Variants in SLC25A29 observed in about 807,000 individuals in gnomAD.
SLC25A29 encodes the protein solute carrier family 25 member 29.
Under a neutral mutation model 10.0 loss-of-function variants are expected in SLC25A29, and 13 were observed. The ratio of observed to expected loss-of-function variants is 1.30; its 90% CI spans 0.85 to 2.07. The LOEUF (loss-of-function observed/expected upper bound fraction) is 2.07. Among genes scored for constraint, SLC25A29 ranks in the 30% most tolerant of loss-of-function variants. The pLI, the probability that SLC25A29 is intolerant of heterozygous loss-of-function variation, is 0.00. For synonymous variants in SLC25A29, 244 were observed against 221.1 expected (o/e 1.10, Z -0.92); for missense variants, 475 against 447.6 (o/e 1.06, Z -0.55).
In SLC25A29 at chr14:100,306,318, CG is replaced by C. The variant is rs1224907595; in HGVS notation, c.-87del. 5.7e-5 allele frequency: 72 copies of C among 1,258,390 alleles called. No individual in the cohort carries two copies. Among genetic ancestry groups the C allele is most frequent in the Middle Eastern group, 6.0e-4 (2 of 3,360 alleles). The allele number at this position is 1,258,390 out of a possible 1,614,324, so 78.0% of individuals were successfully genotyped here. A position where few individuals can be genotyped will look rare whatever the true frequency, so the allele number is the denominator to read the frequency against. On this transcript the variant is annotated 5_prime_UTR_variant, in exon 1 of 4. Transcript: ENST00000359232. Reference sequence around the variant, plus strand: ...GCTGGGCGCCGTCGGGGTCCCCGAGCGCGCGGTGCCGGGGCTGGGCCTGGCC... The same window carrying C: ...GCTGGGCGCCGTCGGGGTCCCCGAGCCGCGGTGCCGGGGCTGGGCCTGGCC...
chr14:100,294,139 C>T (rs758336791), intron 2 of SLC25A29: 13 of 152,224 alleles, frequency 8.5e-5, no homozygotes, highest in Non-Finnish European at 1.3e-4. Context: ...AAAGCAATGA[C>T]CTTGGCTCCA....
At chr14:100,283,733 G>A in the SLC25A29 span, among the ~76,000 whole-genome samples, 1 of 151,916 alleles carries the variant, frequency 6.6e-6, no homozygotes, top group Admixed American at 6.6e-5. Context: ...CACCCGCCTC[G>A]GCCTCCCAAA....
At chr14:100,303,311 C>T (rs992135213) in intron 1 of SLC25A29, among the ~76,000 whole-genome samples, 2 of 152,246 alleles carry the variant, frequency 1.3e-5, no homozygotes, top group Admixed American at 6.5e-5. Flanking sequence ...CCCCTCGAGG[C>T]CCCTCCATGT....
Position 100,292,794 on chromosome 14 carries a change from G to A in SLC25A29, c.401C>T (p.Ser134Leu), listed in dbSNP as rs775358954. ...GTAGATCTGCGCGAGGCAGTCCAGCGAGCCCTTGTAGGTGCGCGCTGGGCC... is the reference window on the plus strand; with the variant it reads ...GTAGATCTGCGCGAGGCAGTCCAGCAAGCCCTTGTAGGTGCGCGCTGGGCC... ...DAGPARTYKG[S>L]LDCLAQIYGH... The change falls in exon 4 of 4, where the codon TCG becomes TTG. Residue 134 changes from serine (S) to leucine (L), a missense_variant. Physicochemically the swap from Ser to Leu is moderately radical, Grantham distance 145. Coordinates refer to ENST00000359232, the MANE Select transcript of SLC25A29 (RefSeq NM_001039355.3). 33 of 1,595,380 alleles carry A rather than the reference G, an allele frequency of 2.1e-5. No homozygotes were observed. Among genetic ancestry groups the A allele is most frequent in the South Asian group, 4.5e-5 (4 of 88,944 alleles).
At chr14:100,287,632 C>A (rs995924503), downstream of SLC25A29, among the ~76,000 whole-genome samples, 6 of 99,522 alleles carry the variant, frequency 6.0e-5, no homozygotes, top group South Asian at 2.3e-3. Flanking sequence ...AGCACCACCC[C>A]CCCCCTCCGA....
the SLC25A29 span, among the ~76,000 whole-genome samples, chr14:100,283,924 T>G: frequency 6.6e-6 from 1 of 150,842 alleles, no homozygotes; most frequent in Non-Finnish European, 1.5e-5. Flanking sequence ...TGCTATCACC[T>G]AGGCCGGAGT....
the SLC25A29 span, chr14:100,280,504 A>G: frequency 2.0e-5 from 3 of 152,100 alleles, no homozygotes; most frequent in Non-Finnish European, 4.4e-5. Flanking sequence ...CCCCAGAGTG[A>G]CATTTATTTT....
Position 100,292,257 on chromosome 14 carries a change from C to T in SLC25A29, c.*26G>A. On this transcript the variant is annotated 3_prime_UTR_variant, in exon 4 of 4. Transcript: ENST00000359232. ...ATGTCCCAGGTTTCTGAGAAGGAGC[C>T]CTGGGGAAGGAGGGCGGGGTGAGCG... The T allele has an allele frequency of 6.5e-7, 1 of 1,532,474 alleles. No homozygotes were observed. Among genetic ancestry groups the T allele is most frequent in the Non-Finnish European group, 8.8e-7 (1 of 1,140,926 alleles). 94.9% of individuals were successfully genotyped at this position (1,532,474 alleles called of 1,614,324 possible).
At chr14:100,295,661 A>G in intron 2 of SLC25A29, 1 of 1,289,556 alleles carries the variant, frequency 7.8e-7, no homozygotes, top group Non-Finnish European at 1.0e-6. Flanking sequence ...GCCCATCTAC[A>G]ACAAAGTTAC....
chr14:100,300,262 C>A (rs1232915394), intron 1 of SLC25A29, among the ~76,000 whole-genome samples: 1 of 152,158 alleles, frequency 6.6e-6, no homozygotes, highest in African/African-American at 2.4e-5. Context: ...GAGCAAGACT[C>A]CGTTTCAAAA....
Position 100,292,147 on chromosome 14 carries a change from C to G in SLC25A29, c.*136G>C, listed in dbSNP as rs1891743287. On this transcript the variant is annotated 3_prime_UTR_variant, in exon 4 of 4. Coordinates refer to ENST00000359232, the MANE Select transcript of SLC25A29 (RefSeq NM_001039355.3). ...TCTCGGCCAAAACTACCCAGCTGATCAGCAAAATTCAGCCCACGTCTGATA... is the reference window on the plus strand; with the variant it reads ...TCTCGGCCAAAACTACCCAGCTGATGAGCAAAATTCAGCCCACGTCTGATA... 2 of 1,196,878 alleles carry G rather than the reference C, an allele frequency of 1.7e-6. No individual in the cohort carries two copies. The highest frequency in any genetic ancestry group is 2.7e-5 in the East Asian group (1 of 36,684). The allele number at this position is 1,196,878 out of a possible 1,614,324, so 74.1% of individuals were successfully genotyped here. A position where few individuals can be genotyped will look rare whatever the true frequency, so the allele number is the denominator to read the frequency against.
At chr14:100,296,059 G>A in intron 2 of SLC25A29, 3 of 1,266,050 alleles carry the variant, frequency 2.4e-6, no homozygotes, top group Non-Finnish European at 3.1e-6. Flanking sequence ...AGTACGGACT[G>A]ACACAGACTC....
the SLC25A29 span, chr14:100,278,666 T>C: frequency 6.6e-6 from 1 of 152,262 alleles, no homozygotes; most frequent in African/African-American, 2.4e-5. Flanking sequence ...TCCTGACTTC[T>C]GAAAGAGAGT....
chr14:100,296,422 G>A lies in SLC25A29; in HGVS notation c.78+2420C>T, dbSNP rs999525120. On this transcript the variant is annotated intron_variant, in intron 2 of 3. Coordinates refer to ENST00000359232, the MANE Select transcript of SLC25A29 (RefSeq NM_001039355.3). ...CCACCTAGGGTGACAGAGCAAGACC[G>A]TGTCTCAAAAAAAAAGGAGGAAGTT... 4 of 174,984 alleles carry A rather than the reference G, an allele frequency of 2.3e-5. No homozygotes were observed. In the South Asian group the frequency reaches 3.6e-4, roughly 16 times the overall value. 10.8% of individuals were successfully genotyped at this position (174,984 alleles called of 1,614,324 possible). A position where few individuals can be genotyped will look rare whatever the true frequency, so the allele number is the denominator to read the frequency against.
chr14:100,304,957 G>A (rs1222496629), intron 1 of SLC25A29: 1 of 152,262 alleles, frequency 6.6e-6, no homozygotes, highest in Non-Finnish European at 1.5e-5. Context: ...ATAGTGGGTG[G>A]GGAGCAAGGG....
chr14:100,284,032 C>T, the SLC25A29 span, among the ~76,000 whole-genome samples: 13 of 152,280 alleles, frequency 8.5e-5, no homozygotes, highest in African/African-American at 3.1e-4. Context: ...CCGTGAGCCA[C>T]CATGCGCAGC....
the SLC25A29 span, chr14:100,279,188 G>T: frequency 6.6e-6 from 1 of 152,220 alleles, no homozygotes; most frequent in Non-Finnish European, 1.5e-5. Context: ...AAACTGCCAT[G>T]ATACAGCAAA....
chr14:100,287,829 C>A (rs753112365), downstream of SLC25A29, among the ~76,000 whole-genome samples: 4 of 152,146 alleles, frequency 2.6e-5, no homozygotes, highest in East Asian at 7.7e-4. Context: ...CTCTGCATGG[C>A]GGCTGGTGGT....
chr14:100,300,969 G>A (rs1394690698), intron 1 of SLC25A29, among the ~76,000 whole-genome samples: 2 of 151,716 alleles, frequency 1.3e-5, no homozygotes, highest in Non-Finnish European at 1.5e-5. Flanking sequence ...TTGCGGTCTC[G>A]GCTCACTGCA....
Sources: gnomAD v4.1 joint callset for allele counts (sites outside exome capture counted in the v4.1 genomes callset) on GRCh38, gnomAD v4.1.1 for gene constraint, MANE v1.5 for transcripts, NCBI Gene and HGNC (gene_info 2026-07-23, HGNC 2026-07-21) for gene names.